NEIL2: variants seen among roughly 807,000 people sequenced by gnomAD.
The protein encoded by NEIL2 is endonuclease 8-like 2.
NEIL2 carries 23 observed loss-of-function variants against 22.2 expected under a neutral mutation model. That is an observed-to-expected ratio of 1.04 (90% CI 0.75 to 1.47). The LOEUF (loss-of-function observed/expected upper bound fraction) is 1.47. NEIL2 is among the 40% of genes most tolerant of loss of function. The pLI is 0.00. For missense variants in NEIL2, 583 were observed against 404.7 expected, an observed-to-expected ratio of 1.44 and a Z score of -3.78; for synonymous variants, 229 against 164.8, an observed-to-expected ratio of 1.39 and a Z score of -2.99.
chr8:11,776,486 G>T (rs1000485662), intron 2 of NEIL2, among the ~76,000 whole-genome samples: 1 of 152,240 alleles, frequency 6.6e-6, no homozygotes, highest in Non-Finnish European at 1.5e-5. Flanking sequence ...GACTTCTATG[G>T]ATAATGCTGC....
chr8:11,784,949 G>C (rs764413092), intron 4 of NEIL2, among the ~76,000 whole-genome samples: 1 of 151,246 alleles, frequency 6.6e-6, no homozygotes. Context: ...ACCCACTGCA[G>C]CCTCAACCTC....
Position 11,779,970 on chromosome 8 carries a change from A to G in NEIL2, c.491+20A>G. On this transcript the variant is annotated intron_variant, in intron 3 of 4. Transcript: ENST00000284503. ...CCCGAGGTAATGGTGTGGCCATCTG[A>G]TTTTCGTGGGCTCTGATAGTCATAG... The G allele has an allele frequency of 3.7e-6, 6 of 1,603,074 alleles. No individual in the cohort carries two copies. The highest frequency in any genetic ancestry group is 1.3e-5 in the African/African-American group (1 of 74,622).
At position 11,786,161 on chromosome 8, in the gene NEIL2, A is replaced by G; in HGVS notation, c.887A>G (p.Gln296Arg). The change falls in exon 5 of 5, where the codon CAG becomes CGG. Residue 296 changes from glutamine to arginine, a missense_variant. Gln to Arg is a conservative substitution (Grantham distance 43, BLOSUM62 1). Transcript: ENST00000284503. ...AAAGAACAGTGCCCTGCTGGCCACC[A>G]GGTCATGAAGGAGGCGTTTGGGCCC... is the stretch of plus-strand genomic sequence containing the variant. ...YQKEQCPAGH[Q>R]VMKEAFGPED... 6.2e-7 allele frequency: 1 copy of G among 1,613,920 alleles called. No individual in the cohort carries two copies. The highest frequency in any genetic ancestry group is 2.2e-5 in the East Asian group (1 of 44,864).
chr8:11,772,934 A>T (rs1009407958), intron 2 of NEIL2, among the ~76,000 whole-genome samples: 13 of 151,848 alleles, frequency 8.6e-5, no homozygotes, highest in South Asian at 4.2e-4. Flanking sequence ...CCCGCAACAC[A>T]CACACACAGA....
chr8:11,778,423 A>T (rs1276366927), intron 2 of NEIL2, among the ~76,000 whole-genome samples: 1 of 151,774 alleles, frequency 6.6e-6, no homozygotes, highest in African/African-American at 2.4e-5. Context: ...TGGGTGGAGG[A>T]CTTCAAGATT....
intron 2 of NEIL2, 23 bp downstream of exon 2, chr8:11,771,608 G>A (rs750545682): frequency 6.2e-7 from 1 of 1,606,328 alleles, no homozygotes; most frequent in Non-Finnish European, 8.5e-7. Context: ...TCCTCTGAAG[G>A]GTTGGCTCTG....
In NEIL2 at chr8:11,786,434, G is replaced by C; in HGVS notation, c.*161G>C. On this transcript the variant is annotated 3_prime_UTR_variant, in exon 5 of 5. Coordinates refer to ENST00000284503, the MANE Select transcript of NEIL2 (RefSeq NM_145043.4). Reference sequence around the variant, plus strand: ...TCCCTGGAGTTATGTTGAAGGCAGAGTTTTCATAGGGTTAGATTTTTTTTA... The same window carrying C: ...TCCCTGGAGTTATGTTGAAGGCAGACTTTTCATAGGGTTAGATTTTTTTTA... The C allele has an allele frequency of 1.4e-6, 1 of 702,396 alleles. No individual in the cohort carries two copies. The highest frequency in any genetic ancestry group is 1.6e-5 in the South Asian group (1 of 60,782). 43.5% of individuals were successfully genotyped at this position (702,396 alleles called of 1,614,324 possible).
Position 11,786,563 on chromosome 8 carries a change from G to A in NEIL2, c.*290G>A. The A allele has an allele frequency of 2.1e-6, 1 of 485,888 alleles. No individual in the cohort carries two copies. The highest frequency in any genetic ancestry group is 3.7e-6 in the Non-Finnish European group (1 of 266,834). The allele number at this position is 485,888 out of a possible 1,614,324, so 30.1% of individuals were successfully genotyped here. On this transcript the variant is annotated 3_prime_UTR_variant, in exon 5 of 5. Coordinates refer to ENST00000284503, the MANE Select transcript of NEIL2 (RefSeq NM_145043.4). ...GGGAAAACTTCCCGGAAGGCAATGG[G>A]GCAAGGAAAAAGAAAGCCTATGGGA...
At chr8:11,783,473 C>T (rs1804627563) in intron 4 of NEIL2, 74 bp downstream of exon 4, 2 of 1,269,772 alleles carry the variant, frequency 1.6e-6, no homozygotes, top group Admixed American at 1.7e-5. Context: ...AGTCAGAAGA[C>T]CTGAGGGCCA....
intron 2 of NEIL2, among the ~76,000 whole-genome samples, chr8:11,774,224 A>T (rs746451576): frequency 6.6e-6 from 1 of 152,122 alleles, no homozygotes; most frequent in African/African-American, 2.4e-5. Context: ...AAGATGCACA[A>T]ATTAGCTGGG....
At chr8:11,772,673 C>T (rs896012967) in intron 2 of NEIL2, among the ~76,000 whole-genome samples, 1 of 152,160 alleles carries the variant, frequency 6.6e-6, no homozygotes, top group East Asian at 1.9e-4. Flanking sequence ...AGTATTGTGC[C>T]CCCAGCACTT....
chr8:11,774,859 T>A (rs1410346378), intron 2 of NEIL2, among the ~76,000 whole-genome samples: 1 of 152,240 alleles, frequency 6.6e-6, no homozygotes, highest in Non-Finnish European at 1.5e-5. Flanking sequence ...TGACTCCATG[T>A]CTCTCATCCA....
At chr8:11,775,111 AC>A in intron 2 of NEIL2, among the ~76,000 whole-genome samples, 1 of 152,316 alleles carries the variant, frequency 6.6e-6, no homozygotes, top group South Asian at 2.1e-4. Context: ...TGGGGCTCTA[AC>A]CCCGTCTTTT....
chr8:11,787,039 C>T lies in NEIL2; in HGVS notation c.*766C>T, dbSNP rs1056449553. 6.6e-6 allele frequency: 1 copy of T among 152,336 alleles called. No individual in the cohort carries two copies. Among genetic ancestry groups the T allele is most frequent in the African/African-American group, 2.4e-5 (1 of 41,306 alleles). The allele number at this position is 152,336 out of a possible 1,614,324, so 9.4% of individuals were successfully genotyped here. On this transcript the variant is annotated 3_prime_UTR_variant, in exon 5 of 5. Coordinates refer to ENST00000284503, the MANE Select transcript of NEIL2 (RefSeq NM_145043.4). ...GGATTTTTTTTTTTTTATCTTGTTC[C>T]CTGGAGGATCCAGGGATGAGGATAG...
intron 4 of NEIL2, among the ~76,000 whole-genome samples, chr8:11,783,654 G>A (rs1456207458): frequency 6.6e-6 from 1 of 152,246 alleles, no homozygotes; most frequent in African/African-American, 2.4e-5. Context: ...TCTGCCAGCA[G>A]CGTTGGAGCA....
chr8:11,782,351 G>C (rs1325945922), intron 3 of NEIL2, among the ~76,000 whole-genome samples: 1 of 152,108 alleles, frequency 6.6e-6, no homozygotes, highest in Non-Finnish European at 1.5e-5. Context: ...CTTGAACCTG[G>C]GAGGAAGAGA....
At chr8:11,780,809 A>T (rs1053471543) in intron 3 of NEIL2, among the ~76,000 whole-genome samples, 1 of 152,202 alleles carries the variant, frequency 6.6e-6, no homozygotes, top group Admixed American at 6.5e-5. Context: ...GCATATTCTT[A>T]GGGCTGTACA....
At position 11,779,770 on chromosome 8, in the gene NEIL2, C is replaced by T. The variant is rs368410610; in HGVS notation, c.311C>T (p.Ser104Phe). 2 of 1,614,102 alleles carry T rather than the reference C, an allele frequency of 1.2e-6. No individual in the cohort carries two copies. Among genetic ancestry groups the T allele is most frequent in the Admixed American group, 1.7e-5 (1 of 60,002 alleles). The stretch of plus-strand genomic sequence containing the variant: ...AAGACCCTTGATGGATCCTCACGGT[C>T]TGCAGAGCTCGTCCCCCAGGGCGAG... ...GQKTLDGSSR[S>F]AELVPQGEDD... Residue 104 changes from serine to phenylalanine, a missense_variant, in exon 3 of 5, where the codon TCT (serine) becomes TTT (phenylalanine). By Grantham distance (155) the Ser-to-Phe change is radical (BLOSUM62 -2). Transcript: ENST00000284503.
At chr8:11,783,173 G>T (rs768413228) in intron 3 of NEIL2, 30 bp from the exon 4 acceptor site, 6 of 1,604,132 alleles carry the variant, frequency 3.7e-6, no homozygotes, top group Non-Finnish European at 5.1e-6. Context: ...TGGTAACGAT[G>T]TGTACATATG....
Sources: allele counts gnomAD v4.1 joint callset (sites outside exome capture counted in the v4.1 genomes callset), GRCh38; gene constraint gnomAD v4.1.1; transcripts MANE v1.5; gene names NCBI Gene and HGNC (gene_info 2026-07-23, HGNC 2026-07-21).